The following GALNT17 variants were observed in gnomAD, a reference collection of about 807,000 sequenced individuals.
GALNT17 encodes the protein UDP-GalNAc:polypeptide N-acetylgalactosaminyltransferase-like 3.
A neutral mutation model predicts 63.7 loss-of-function variants in GALNT17; 29 were observed. The observed-to-expected ratio is 0.46, with a 90% CI of 0.34 to 0.62. The LOEUF (loss-of-function observed/expected upper bound fraction) is 0.62, where lower values mean the gene tolerates loss of function less well. GALNT17 is among the 20% of genes least tolerant of loss of function. The probability of loss-of-function intolerance (pLI) is 0.01; values close to 1 mark genes in which losing one functional copy is unlikely to be tolerated. For missense variants in GALNT17, 603 were observed against 799.6 expected (o/e 0.75, Z 2.97); for synonymous variants, 305 against 318.3 (o/e 0.96, Z 0.45).
rs540332322 is a variant in GALNT17, at chr7:71,430,993, C to T, written c.962+9888C>T. Among the ~76,000 whole-genome samples, 7 of 152,022 alleles carry T rather than the reference C, an allele frequency of 4.6e-5. No individual in the cohort carries two copies. The South Asian group carries it at 1.3e-3, about 27-fold the overall frequency. On this transcript the variant is annotated intron_variant, in intron 5 of 10. Transcript: ENST00000333538. ...TCTTGATGGAGTTCATGGGTGGTGA[C>T]ACAGGCTTTCAAATGTGTGTGATAG...
rs1233670182 is a variant in GALNT17 at position 71,713,585 on chromosome 7, T to C, written c.*1439T>C. 6.6e-6 allele frequency: 1 copy of C among 152,318 alleles called. No individual in the cohort carries two copies. The highest frequency in any genetic ancestry group is 1.5e-5 in the Non-Finnish European group (1 of 68,104). 9.4% of individuals were successfully genotyped at this position (152,318 alleles called of 1,614,324 possible). On this transcript the variant is annotated 3_prime_UTR_variant, in exon 11 of 11. Coordinates refer to ENST00000333538, the MANE Select transcript of GALNT17 (RefSeq NM_022479.3). Reference sequence around the variant, plus strand: ...TCTCCCACCTTGTGGAATAAATACATGTTAGCACTTCCCAGAGCAGCCTCC... The same window carrying C: ...TCTCCCACCTTGTGGAATAAATACACGTTAGCACTTCCCAGAGCAGCCTCC...
chr7:71,251,669 G>A (rs1365878855), intron 1 of GALNT17, among the ~76,000 whole-genome samples: 1 of 152,174 alleles, frequency 6.6e-6, no homozygotes, highest in East Asian at 1.9e-4. Context: ...TTCCCGGAGT[G>A]CTGAGATTAC....
At chr7:71,387,220 C>T (rs532470383) in intron 2 of GALNT17, among the ~76,000 whole-genome samples, 5 of 91,530 alleles carry the variant, frequency 5.5e-5, no homozygotes, top group Admixed American at 1.3e-4. Flanking sequence ...AGGGTTTTGC[C>T]ATTACTTTTA....
chr7:71,503,239 A>G (rs1032726513), intron 5 of GALNT17, among the ~76,000 whole-genome samples: 1 of 152,144 alleles, frequency 6.6e-6, no homozygotes, highest in Non-Finnish European at 1.5e-5. Flanking sequence ...TGCATGAGTC[A>G]TAATTTACAT....
intron 5 of GALNT17, among the ~76,000 whole-genome samples, chr7:71,428,231 A>G (rs1786796179): frequency 1.3e-5 from 2 of 152,188 alleles, no homozygotes; most frequent in African/African-American, 4.8e-5. Flanking sequence ...CCCAGTGCCC[A>G]TTAAGCAGTC....
In GALNT17 at chr7:71,671,382, G is replaced by A. The variant is rs1199607970; in HGVS notation, c.1404+1273G>A. On this transcript the variant is annotated intron_variant, in intron 8 of 10. Coordinates refer to ENST00000333538, the MANE Select transcript of GALNT17 (RefSeq NM_022479.3). ...AGCTAAGAAGAATCCCTTTGACTTA[G>A]GAGTATTTACATTTTTCTACAACTG... is the stretch of plus-strand genomic sequence containing the variant. Among the ~76,000 whole-genome samples the A allele has an allele frequency of 4.6e-5, 7 of 152,158 alleles. No homozygotes were observed. In the East Asian group the frequency reaches 1.3e-3, roughly 29 times the overall value.
At chr7:71,549,670 C>A (rs1218623755) in intron 5 of GALNT17, among the ~76,000 whole-genome samples, 5 of 151,952 alleles carry the variant, frequency 3.3e-5, no homozygotes, top group Non-Finnish European at 5.9e-5. Context: ...TTGTTTTTTT[C>A]TCCTTGAGTT....
chr7:71,501,930 C>A (rs796573321), intron 5 of GALNT17, among the ~76,000 whole-genome samples: 4 of 152,100 alleles, frequency 2.6e-5, no homozygotes, highest in African/African-American at 9.6e-5. Flanking sequence ...CTTCTTCCCT[C>A]CCATTTCACT....
At chr7:71,674,148 T>A (rs1389257425) in intron 8 of GALNT17, among the ~76,000 whole-genome samples, 1 of 152,182 alleles carries the variant, frequency 6.6e-6, no homozygotes, top group African/African-American at 2.4e-5. Context: ...ATCGGAAATA[T>A]AAAGATGAAA....
At chr7:71,600,027 G>A (rs1789941963) in intron 6 of GALNT17, among the ~76,000 whole-genome samples, 1 of 151,730 alleles carries the variant, frequency 6.6e-6, no homozygotes, top group Non-Finnish European at 1.5e-5. Flanking sequence ...CCAGGAGAGA[G>A]GACAAAGTCA....
intron 6 of GALNT17, among the ~76,000 whole-genome samples, chr7:71,584,434 G>GT (rs1554312347): frequency 1.3e-5 from 2 of 152,016 alleles, no homozygotes; most frequent in Non-Finnish European, 2.9e-5. Flanking sequence ...ACATTTTGCT[G>GT]TTTTTTTCAG....
intron 1 of GALNT17, among the ~76,000 whole-genome samples, chr7:71,244,691 G>A (rs967720592): frequency 5.3e-5 from 8 of 152,286 alleles, no homozygotes; most frequent in African/African-American, 1.7e-4. Flanking sequence ...TTGCCCAGGT[G>A]CGGTGGCTCA....
At chr7:71,421,128 C>G in intron 5 of GALNT17, 23 bp downstream of exon 5, 1 of 1,612,574 alleles carries the variant, frequency 6.2e-7, no homozygotes, top group Non-Finnish European at 8.5e-7. Flanking sequence ...TGAGCCCTGG[C>G]GGCCAACGAG....
At chr7:71,576,850 G>A (rs752796441) in intron 6 of GALNT17, among the ~76,000 whole-genome samples, 30 of 152,204 alleles carry the variant, frequency 2.0e-4, no homozygotes, top group Admixed American at 9.2e-4. Context: ...CTACAGGCAC[G>A]AGCCACGCTC....
intron 1 of GALNT17, 45 bp from the exon 2 acceptor site, chr7:71,335,505 G>A: frequency 6.7e-7 from 1 of 1,496,922 alleles, no homozygotes; most frequent in African/African-American, 1.4e-5. Context: ...ATACATCCTG[G>A]TATGGTGGTT....
chr7:71,224,030 A>G (rs565551859), intron 1 of GALNT17, among the ~76,000 whole-genome samples: 4 of 152,262 alleles, frequency 2.6e-5, no homozygotes, highest in African/African-American at 7.2e-5. Flanking sequence ...GGTTTCAGAA[A>G]GAAGCAGAGA....
intron 1 of GALNT17, among the ~76,000 whole-genome samples, chr7:71,232,699 A>C (rs534730922): frequency 6.6e-6 from 1 of 152,242 alleles, no homozygotes; most frequent in Admixed American, 6.5e-5. Context: ...CAGTGTGTGG[A>C]GTGCAGCCGC....
chr7:71,422,254 G>T (rs1159428707), intron 5 of GALNT17, among the ~76,000 whole-genome samples: 2 of 152,104 alleles, frequency 1.3e-5, no homozygotes, highest in East Asian at 3.9e-4. Flanking sequence ...TGGCTATGTC[G>T]CATCTCCCTT....
At chr7:71,687,651 CCATGGGGGTCAAAT>C (rs1584138975) in intron 9 of GALNT17, among the ~76,000 whole-genome samples, 1 of 152,120 alleles carries the variant, frequency 6.6e-6, no homozygotes, top group East Asian at 1.9e-4. Context: ...CTAGAAATCA[CCATGGGGGTCAAAT>C]CAGGGGATCT....
Sources: gnomAD v4.1 joint callset for allele counts (sites outside exome capture counted in the v4.1 genomes callset) on GRCh38, gnomAD v4.1.1 for gene constraint, MANE v1.5 for transcripts, NCBI Gene and HGNC (gene_info 2026-07-23, HGNC 2026-07-21) for gene names.